TTLL11: variants seen among roughly 807,000 people sequenced by gnomAD.
TTLL11 encodes the protein tubulin tyrosine ligase like 11, also known as tubulin polyglutamylase TTLL11.
TTLL11 carries 42 observed loss-of-function variants against 51.7 expected under a neutral mutation model. The ratio of observed to expected loss-of-function variants is 0.81; its 90% CI spans 0.64 to 1.05. TTLL11 has a LOEUF of 1.05. Among genes scored for constraint, TTLL11 ranks in the 50% least tolerant of loss-of-function variants. The pLI, the probability that TTLL11 is intolerant of heterozygous loss-of-function variation, is 0.00. For missense variants in TTLL11, 799 were observed against 940.4 expected (o/e 0.85, Z 1.97); for synonymous variants, 381 against 383.5 (o/e 0.99, Z 0.08).
intron 6 of TTLL11, among the ~76,000 whole-genome samples, chr9:121,942,964 G>A (rs373412635): frequency 1.6e-4 from 25 of 152,208 alleles, no homozygotes; most frequent in Admixed American, 4.6e-4. Context: ...TCATGCCGGC[G>A]TATCAGACTT....
chr9:121,823,788 T>C (rs866924721), intron 8 of TTLL11, among the ~76,000 whole-genome samples: 2 of 152,192 alleles, frequency 1.3e-5, no homozygotes, highest in Non-Finnish European at 2.9e-5. Context: ...GCCCAAACCA[T>C]ATTCTGGAAA....
chr9:121,996,257 C>T (rs969657717), intron 3 of TTLL11, among the ~76,000 whole-genome samples: 2 of 152,154 alleles, frequency 1.3e-5, no homozygotes, highest in Non-Finnish European at 2.9e-5. Flanking sequence ...TTCCCTGGAC[C>T]TCCACCGACC....
intron 1 of TTLL11, among the ~76,000 whole-genome samples, chr9:122,040,851 T>C (rs1844828058): frequency 6.6e-6 from 1 of 152,250 alleles, no homozygotes; most frequent in Non-Finnish European, 1.5e-5. Context: ...ATTTTCTTTT[T>C]ATGCAATGGG....
At chr9:121,984,106 T>C (rs565320273) in intron 4 of TTLL11, among the ~76,000 whole-genome samples, 1 of 151,806 alleles carries the variant, frequency 6.6e-6, no homozygotes, top group East Asian at 1.9e-4. Flanking sequence ...AAGACAGCAA[T>C]TGGATCTGTT....
chr9:121,899,067 T>G (rs1839650707), intron 6 of TTLL11, among the ~76,000 whole-genome samples: 1 of 152,088 alleles, frequency 6.6e-6, no homozygotes, highest in Non-Finnish European at 1.5e-5. Flanking sequence ...GCTGTGTCAA[T>G]GAGCTGCTTA....
chr9:122,004,780 C>T (rs1223796560), intron 3 of TTLL11, among the ~76,000 whole-genome samples: 5 of 152,236 alleles, frequency 3.3e-5, no homozygotes, highest in African/African-American at 1.2e-4. Flanking sequence ...CTTTCCATGA[C>T]ACCACGTTGG....
At chr9:121,915,726 C>T (rs960563191) in intron 6 of TTLL11, among the ~76,000 whole-genome samples, 10 of 151,922 alleles carry the variant, frequency 6.6e-5, no homozygotes, top group Admixed American at 3.9e-4. Context: ...TTAAAAGGAT[C>T]CTTACAGAGA....
chr9:122,078,421 A>C (rs902324352), intron 1 of TTLL11, among the ~76,000 whole-genome samples: 1 of 152,190 alleles, frequency 6.6e-6, no homozygotes, highest in Non-Finnish European at 1.5e-5. Flanking sequence ...ATACGTAAAA[A>C]GGTAGCCAAA....
At chr9:121,877,870 T>C (rs569788420) in intron 6 of TTLL11, among the ~76,000 whole-genome samples, 7 of 152,244 alleles carry the variant, frequency 4.6e-5, no homozygotes, top group Admixed American at 4.6e-4. Flanking sequence ...AACCACTGCA[T>C]CATGCGGCCT....
chr9:121,849,663 G>T (rs1837611576), intron 8 of TTLL11, among the ~76,000 whole-genome samples: 1 of 152,144 alleles, frequency 6.6e-6, no homozygotes, highest in Non-Finnish European at 1.5e-5. Flanking sequence ...AACATCAAAT[G>T]TCTTTAGGGA....
Position 121,995,883 on chromosome 9 carries a change from A to C in TTLL11, c.694-6113T>G, listed in dbSNP as rs1843243145. On this transcript the variant is annotated intron_variant, in intron 3 of 8. Transcript: ENST00000321582. This position sits in a 1 kb window ranked among gnomAD's most constrained non-coding sequence, Gnocchi z 4.4. ...TGGCGCATACCTCGAACTGGAGCAC[A>C]GGTATCCGAACAGACCTCTCAAGCT... Among the ~76,000 whole-genome samples the C allele has an allele frequency of 6.6e-6, 1 of 152,230 alleles. No homozygotes were observed. Among genetic ancestry groups the C allele is most frequent in the Non-Finnish European group, 1.5e-5 (1 of 68,040 alleles).
chr9:121,869,885 T>G (rs1431248273), intron 7 of TTLL11, among the ~76,000 whole-genome samples: 1 of 152,150 alleles, frequency 6.6e-6, no homozygotes, highest in Non-Finnish European at 1.5e-5. Flanking sequence ...TAGAGGGAAA[T>G]TAATGTGTAA....
At chr9:121,925,986 T>A (rs1840713552) in intron 6 of TTLL11, among the ~76,000 whole-genome samples, 1 of 152,254 alleles carries the variant, frequency 6.6e-6, no homozygotes, top group African/African-American at 2.4e-5. Flanking sequence ...CTGAAAATCC[T>A]GCCATATCAA....
At chr9:121,899,396 TATATATACAC>T (rs767523636) in intron 6 of TTLL11, among the ~76,000 whole-genome samples, 1 of 139,450 alleles carries the variant, frequency 7.2e-6, no homozygotes, top group South Asian at 2.3e-4. Context: ...TATATATATA[TATATATACAC>T]ACACACACAC....
intron 3 of TTLL11, among the ~76,000 whole-genome samples, chr9:122,006,246 CAGA>C (rs1245035739): frequency 6.6e-6 from 1 of 151,488 alleles, no homozygotes; most frequent in African/African-American, 2.4e-5. Context: ...GAGGCTGAAG[CAGA>C]AGAATTGCTT....
Position 121,989,876 on chromosome 9 carries a change from C to A in TTLL11, c.694-106G>T. 6.6e-7 allele frequency: 1 copy of A among 1,505,586 alleles called. No individual in the cohort carries two copies. The highest frequency in any genetic ancestry group is 8.8e-7 in the Non-Finnish European group (1 of 1,136,864). The allele number at this position is 1,505,586 out of a possible 1,614,324, so 93.3% of individuals were successfully genotyped here. On this transcript the variant is annotated intron_variant, in intron 3 of 8. Coordinates refer to ENST00000321582, the MANE Select transcript of TTLL11 (RefSeq NM_001139442.2). This position sits in a 1 kb window ranked among gnomAD's most constrained non-coding sequence, Gnocchi z 4.2. Reference sequence around the variant, plus strand: ...TGTGGTGAATGAGTGACAAGATGATCCCTGCCGATCTGAGCAGGGGCTGAG... The same window carrying A: ...TGTGGTGAATGAGTGACAAGATGATACCTGCCGATCTGAGCAGGGGCTGAG...
In TTLL11 at chr9:121,978,679, G is replaced by C. The variant is rs145258298; in HGVS notation, c.1270-3700C>G. Among the ~76,000 whole-genome samples, 1,391 of 152,158 alleles carry C rather than the reference G, an allele frequency of 9.1e-3. 18 individuals carry two copies. Among genetic ancestry groups the C allele is most frequent in the South Asian group, 0.023 (111 of 4,816 alleles). ...CCTTCTACTTGAGGGGCTCCCTGGG[G>C]GGTTTAAAGATATCTGTCCTTCATT... On this transcript the variant is annotated intron_variant, in intron 4 of 8. Coordinates refer to ENST00000321582, the MANE Select transcript of TTLL11 (RefSeq NM_001139442.2).
rs1437782727 is a variant in TTLL11, at chr9:121,819,017, C to A, written c.*3570G>T. ...AGGCAGCGGAAGCCCAGGCGAGAGA[C>A]CGTGTCCGAGTTTGGGGGACTGGAC... is the stretch of plus-strand genomic sequence containing the variant. On this transcript the variant is annotated 3_prime_UTR_variant, in exon 9 of 9. Coordinates refer to ENST00000321582, the MANE Select transcript of TTLL11 (RefSeq NM_001139442.2). 1.3e-5 allele frequency: 2 copies of A among 152,708 alleles called. No homozygotes were observed. Among genetic ancestry groups the A allele is most frequent in the African/African-American group, 2.4e-5 (1 of 41,386 alleles). The allele number at this position is 152,708 out of a possible 1,614,324, so 9.5% of individuals were successfully genotyped here.
chr9:121,855,565 C>T (rs1469578556), intron 8 of TTLL11, among the ~76,000 whole-genome samples: 3 of 152,050 alleles, frequency 2.0e-5, no homozygotes, highest in African/African-American at 7.3e-5. Flanking sequence ...TGGCTGGCTG[C>T]GGGAGAGGGG....
Sources: gnomAD v4.1 joint callset for allele counts (sites outside exome capture counted in the v4.1 genomes callset) on GRCh38, gnomAD v4.1.1 for gene constraint, Gnocchi (gnomAD v3.1) non-coding constraint, MANE v1.5 for transcripts, NCBI Gene and HGNC (gene_info 2026-07-23, HGNC 2026-07-21) for gene names.